The following CLDN10 variants were observed in gnomAD, a reference collection of about 807,000 sequenced individuals.
CLDN10 encodes the protein claudin-10.
A neutral mutation model predicts 22.9 loss-of-function variants in CLDN10; 15 were observed. That is an observed-to-expected ratio of 0.65 (90% CI 0.44 to 1.01). The LOEUF (loss-of-function observed/expected upper bound fraction) is 1.01. Among genes scored for constraint, CLDN10 ranks in the 50% least tolerant of loss-of-function variants. The probability of loss-of-function intolerance (pLI) is 0.00; values close to 1 mark genes in which losing one functional copy is unlikely to be tolerated. For synonymous variants in CLDN10, 114 were observed against 111.4 expected (o/e 1.02, Z -0.15); for missense variants, 247 against 287.8 (o/e 0.86, Z 1.03).
chr13:95,515,451 T>G (rs1472886880), intron 1 of CLDN10, among the ~76,000 whole-genome samples: 1 of 152,032 alleles, frequency 6.6e-6, no homozygotes, highest in Non-Finnish European at 1.5e-5. Context: ...CTGCCTGCGT[T>G]GGCCTTAATT....
chr13:95,468,663 T>C (rs1028702423), intron 1 of CLDN10, among the ~76,000 whole-genome samples: 1 of 151,328 alleles, frequency 6.6e-6, no homozygotes, highest in Admixed American at 6.6e-5. Flanking sequence ...GAGGTGGAGG[T>C]TTCAGTGAGC....
intron 1 of CLDN10, among the ~76,000 whole-genome samples, chr13:95,463,849 G>A (rs911884386): frequency 1.3e-5 from 2 of 152,032 alleles, no homozygotes; most frequent in Non-Finnish European, 2.9e-5. Context: ...GGACAACTCA[G>A]CTAGGGCTAT....
intron 1 of CLDN10, among the ~76,000 whole-genome samples, chr13:95,448,778 C>G (rs963077939): frequency 8.3e-6 from 1 of 120,734 alleles, no homozygotes; most frequent in African/African-American, 2.7e-5. Context: ...CTCTCTCTCT[C>G]GCCCAGTTTG....
At chr13:95,435,149 C>T (rs924779230) in intron 1 of CLDN10, among the ~76,000 whole-genome samples, 1 of 152,158 alleles carries the variant, frequency 6.6e-6, no homozygotes, top group African/African-American at 2.4e-5. Flanking sequence ...TTCAGGGAAA[C>T]AATTGTCATT....
chr13:95,557,657 G>C (rs965032087), intron 1 of CLDN10, among the ~76,000 whole-genome samples: 1 of 152,108 alleles, frequency 6.6e-6, no homozygotes, highest in Non-Finnish European at 1.5e-5. Flanking sequence ...GTTCTGGTTG[G>C]CACAAAAGAA....
At chr13:95,573,858 A>G (rs2043891645) in intron 3 of CLDN10, among the ~76,000 whole-genome samples, 1 of 151,494 alleles carries the variant, frequency 6.6e-6, no homozygotes, top group Non-Finnish European at 1.5e-5. Flanking sequence ...TATTTCTCCT[A>G]ATGCTATCCC....
intron 1 of CLDN10, among the ~76,000 whole-genome samples, chr13:95,486,669 C>T (rs1355760827): frequency 6.6e-6 from 1 of 152,110 alleles, no homozygotes; most frequent in Non-Finnish European, 1.5e-5. Context: ...GTGAACCTGC[C>T]TCACAGGCAT....
chr13:95,523,592 TA>T (rs140819416), intron 1 of CLDN10, among the ~76,000 whole-genome samples: 15,109 of 152,170 alleles, frequency 0.099, 912 homozygotes, highest in Non-Finnish European at 0.12. Context: ...TGTCTGCAAA[TA>T]TTTTTTCATT....
intron 1 of CLDN10, among the ~76,000 whole-genome samples, chr13:95,442,992 A>C (rs2042339075): frequency 6.6e-6 from 1 of 152,218 alleles, no homozygotes; most frequent in Non-Finnish European, 1.5e-5. Flanking sequence ...CTGGTTTTTA[A>C]ATGAATGTAT....
intron 1 of CLDN10, among the ~76,000 whole-genome samples, chr13:95,463,865 C>A (rs918691921): frequency 6.6e-6 from 1 of 152,044 alleles, no homozygotes; most frequent in African/African-American, 2.4e-5. Context: ...GCTATCATTT[C>A]TTTGTGCCAT....
chr13:95,506,879 G>A (rs779011351), intron 1 of CLDN10, among the ~76,000 whole-genome samples: 1 of 152,136 alleles, frequency 6.6e-6, no homozygotes, highest in African/African-American at 2.4e-5. Context: ...CGATGCATGG[G>A]GGAGGGGTTT....
intron 1 of CLDN10, among the ~76,000 whole-genome samples, chr13:95,505,956 T>G (rs984786715): frequency 1.3e-5 from 2 of 152,094 alleles, no homozygotes; most frequent in Non-Finnish European, 2.9e-5. Flanking sequence ...GCCAGGCTGG[T>G]CTTGAACTCC....
At chr13:95,492,839 C>T (rs2042888908) in intron 1 of CLDN10, among the ~76,000 whole-genome samples, 1 of 152,176 alleles carries the variant, frequency 6.6e-6, no homozygotes, top group African/African-American at 2.4e-5. Flanking sequence ...CTCCCAGGAC[C>T]TTTCTGCTGC....
chr13:95,464,494 T>G (rs181118790), intron 1 of CLDN10, among the ~76,000 whole-genome samples: 10 of 152,274 alleles, frequency 6.6e-5, no homozygotes, highest in Admixed American at 3.3e-4. Flanking sequence ...CTTAATCCAG[T>G]CTATGATTGT....
chr13:95,539,445 A>G (rs1390273282), intron 1 of CLDN10, among the ~76,000 whole-genome samples: 3 of 152,210 alleles, frequency 2.0e-5, no homozygotes, highest in Non-Finnish European at 4.4e-5. Flanking sequence ...TAGTTGGTAC[A>G]TGACTAAGAG....
At chr13:95,550,057 C>T (rs190346471), upstream of CLDN10, among the ~76,000 whole-genome samples, 2 of 152,254 alleles carry the variant, frequency 1.3e-5, no homozygotes, top group Admixed American at 1.3e-4. Flanking sequence ...AGCCTGAGTC[C>T]ACATTAGAAG....
intron 1 of CLDN10, among the ~76,000 whole-genome samples, chr13:95,441,258 C>A (rs113458974): frequency 0.012 from 1,887 of 152,196 alleles, 43 homozygotes; most frequent in African/African-American, 0.043. Context: ...TTTTTGTGGT[C>A]TTTTCTTTCC....
rs1594613035 is a variant in CLDN10 at position 95,560,272 on chromosome 13, G to A, written c.361G>A (p.Gly121Arg). The change falls in exon 2 of 5, where the codon GGG becomes AGG. Residue 121 changes from glycine to arginine, a missense_variant. Gly to Arg is a moderately radical substitution (Grantham distance 125). Transcript: ENST00000299339. ...KAKAKIACLA[G>R]IVFILSGLCS... is the part of the protein sequence containing the mutation. Reference sequence around the variant, plus strand: ...CAAAGCTAAAATTGCTTGTTTGGCTGGGATTGTATTCATACTGTCAGGTAA... The same window carrying A: ...CAAAGCTAAAATTGCTTGTTTGGCTAGGATTGTATTCATACTGTCAGGTAA... 1.2e-6 allele frequency: 2 copies of A among 1,614,166 alleles called. No homozygotes were observed. The highest frequency in any genetic ancestry group is 1.7e-6 in the Non-Finnish European group (2 of 1,180,006).
At chr13:95,503,575 A>G (rs988796200) in intron 1 of CLDN10, among the ~76,000 whole-genome samples, 1 of 152,226 alleles carries the variant, frequency 6.6e-6, no homozygotes, top group African/African-American at 2.4e-5. Flanking sequence ...AAAAACTGAA[A>G]CATGGAAGAA....
Sources: allele counts gnomAD v4.1 joint callset (sites outside exome capture counted in the v4.1 genomes callset), GRCh38; gene constraint gnomAD v4.1.1; transcripts MANE v1.5; gene names NCBI Gene and HGNC (gene_info 2026-07-23, HGNC 2026-07-21).